Variants in PRKD2 observed in about 807,000 individuals in gnomAD.
The protein encoded by PRKD2 is protein kinase D2, also known as serine/threonine-protein kinase D2.
Under a neutral mutation model 86.0 loss-of-function variants are expected in PRKD2, and 22 were observed. The ratio of observed to expected loss-of-function variants is 0.26; its 90% CI spans 0.18 to 0.37. PRKD2 has a LOEUF of 0.37. Ranked by LOEUF, PRKD2 falls within the 10% of genes least tolerant of loss-of-function variation. The pLI is 1.00. For synonymous variants in PRKD2, 509 were observed against 510.9 expected (o/e 1.00, Z 0.05); for missense variants, 818 against 1,199.2 (o/e 0.68, Z 4.70).
chr19:46,685,141 C>T (rs2053377305), intron 14 of PRKD2, among the ~76,000 whole-genome samples: 1 of 151,296 alleles, frequency 6.6e-6, no homozygotes. Context: ...CACCTGTAGT[C>T]CCAGCTACTC....
rs140881832 is a variant in PRKD2, at chr19:46,695,388, C to T, written c.1318-1255G>A. On this transcript the variant is annotated intron_variant, in intron 9 of 17. Coordinates refer to ENST00000291281, the MANE Select transcript of PRKD2 (RefSeq NM_016457.5). ...ATCCTAGCTACTTGGGAGGCTGAGGCAGAAGAATCACTTGAACCCCGGAGG... is the reference window on the plus strand; with the variant it reads ...ATCCTAGCTACTTGGGAGGCTGAGGTAGAAGAATCACTTGAACCCCGGAGG... Among the ~76,000 whole-genome samples the T allele has an allele frequency of 3.5e-4, 54 of 152,316 alleles. No individual in the cohort carries two copies. The East Asian group carries it at 9.9e-3, about 28-fold the overall frequency.
At chr19:46,686,607 A>T (rs1163941352) in intron 14 of PRKD2, among the ~76,000 whole-genome samples, 1 of 151,796 alleles carries the variant, frequency 6.6e-6, no homozygotes, top group African/African-American at 2.4e-5. Flanking sequence ...AACTATGATT[A>T]CACCACTGCA....
intron 13 of PRKD2, among the ~76,000 whole-genome samples, chr19:46,690,059 T>C (rs1432009384): frequency 1.3e-5 from 2 of 152,144 alleles, no homozygotes; most frequent in African/African-American, 4.8e-5. Context: ...CTTTACATCC[T>C]GAAATTCTGG....
chr19:46,679,658 T>C (rs1323291515), intron 15 of PRKD2, among the ~76,000 whole-genome samples: 1 of 152,140 alleles, frequency 6.6e-6, no homozygotes, highest in Non-Finnish European at 1.5e-5. Flanking sequence ...GGAGTCTCGC[T>C]CTGTCGCCCA....
intron 8 of PRKD2, 196 bp from the exon 9 acceptor site, chr19:46,697,430 C>A: frequency 1.7e-6 from 1 of 590,856 alleles, no homozygotes; most frequent in Non-Finnish European, 3.0e-6. Flanking sequence ...CTAGCCCAGC[C>A]CCCACGCCCT....
At chr19:46,714,780 C>G (rs1283835403) in intron 1 of PRKD2, among the ~76,000 whole-genome samples, 1 of 152,176 alleles carries the variant, frequency 6.6e-6, no homozygotes, top group Non-Finnish European at 1.5e-5. Context: ...CCCCCGTACC[C>G]CCACTGCCAC....
At chr19:46,687,095 G>A (rs1250499483) in intron 14 of PRKD2, among the ~76,000 whole-genome samples, 1 of 151,494 alleles carries the variant, frequency 6.6e-6, no homozygotes, top group African/African-American at 2.4e-5. Context: ...AAAAAGAAAC[G>A]CAGAACAGAG....
intron 3 of PRKD2, among the ~76,000 whole-genome samples, chr19:46,706,360 G>C (rs1325839061): frequency 6.6e-6 from 1 of 152,206 alleles, no homozygotes; most frequent in Non-Finnish European, 1.5e-5. Context: ...AGGCTTTCCA[G>C]TTCCACACCT....
intron 8 of PRKD2, 47 bp from the exon 9 acceptor site, chr19:46,697,281 C>T (rs1168313511): frequency 2.1e-6 from 3 of 1,431,428 alleles, no homozygotes; most frequent in South Asian, 1.2e-5. Flanking sequence ...ACTTTCCTGC[C>T]CAGTCCCTAT....
At chr19:46,687,195 C>A (rs1346770852) in intron 14 of PRKD2, among the ~76,000 whole-genome samples, 1 of 152,050 alleles carries the variant, frequency 6.6e-6, no homozygotes, top group East Asian at 1.9e-4. Context: ...GAGTTGAAGA[C>A]CAGCCTGGGC....
chr19:46,677,101 A>C (rs1286926339), intron 16 of PRKD2: 1 of 144,974 alleles, frequency 6.9e-6, no homozygotes, highest in Non-Finnish European at 1.5e-5. Flanking sequence ...CCCCAATATT[A>C]CTCCAGGACT....
intron 15 of PRKD2, among the ~76,000 whole-genome samples, chr19:46,680,683 A>C (rs991436473): frequency 3.3e-5 from 5 of 151,506 alleles, no homozygotes; most frequent in African/African-American, 9.7e-5. Flanking sequence ...AGTATGAAAA[A>C]CAAGCAGAAT....
intron 5 of PRKD2, among the ~76,000 whole-genome samples, chr19:46,702,122 T>A (rs1289077661): frequency 6.9e-6 from 1 of 145,730 alleles, no homozygotes; most frequent in Non-Finnish European, 1.5e-5. Context: ...CACTGCAACC[T>A]CTGCCTCCCA....
chr19:46,709,340 G>T (rs779364784), intron 3 of PRKD2: 15 of 170,664 alleles, frequency 8.8e-5, no homozygotes, highest in Middle Eastern at 5.1e-4. Context: ...ACTGGGAAGA[G>T]AAGGCCCCAT....
At chr19:46,705,666 A>G (rs766283717) in intron 3 of PRKD2, among the ~76,000 whole-genome samples, 2 of 152,146 alleles carry the variant, frequency 1.3e-5, no homozygotes, top group Non-Finnish European at 2.9e-5. Context: ...ACACGCCTGT[A>G]ATCCCAGCTA....
At chr19:46,697,333 G>T in intron 8 of PRKD2, 99 bp from the exon 9 acceptor site, 1 of 866,624 alleles carries the variant, frequency 1.2e-6, no homozygotes, top group Non-Finnish European at 1.8e-6. Flanking sequence ...GGAGCACCAC[G>T]TGCACGCCGT....
chr19:46,710,069 T>C (rs775520766), intron 3 of PRKD2, among the ~76,000 whole-genome samples: 12 of 151,816 alleles, frequency 7.9e-5, no homozygotes, highest in Non-Finnish European at 1.5e-4. Context: ...GGCTAATTTT[T>C]TGTATTTTTA....
At chr19:46,697,348 C>G (rs79552142) in intron 8 of PRKD2, 114 bp from the exon 9 acceptor site, 3 of 756,390 alleles carry the variant, frequency 4.0e-6, no homozygotes, top group Non-Finnish European at 6.6e-6. Context: ...CGCCGTAACT[C>G]TAGCACCTAC....
intron 14 of PRKD2, among the ~76,000 whole-genome samples, chr19:46,687,197 A>G (rs1429121398): frequency 6.6e-6 from 1 of 152,144 alleles, no homozygotes; most frequent in East Asian, 1.9e-4. Context: ...GTTGAAGACC[A>G]GCCTGGGCAA....
Sources: gnomAD v4.1 joint callset for allele counts (sites outside exome capture counted in the v4.1 genomes callset) on GRCh38, gnomAD v4.1.1 for gene constraint, MANE v1.5 for transcripts, NCBI Gene and HGNC (gene_info 2026-07-23, HGNC 2026-07-21) for gene names.